Variants in COL12A1 observed in about 807,000 individuals in gnomAD.
COL12A1 encodes collagen alpha-1(XII) chain.
COL12A1 carries 114 observed loss-of-function variants against 349.7 expected under a neutral mutation model. The ratio of observed to expected loss-of-function variants is 0.33; its 90% confidence interval spans 0.28 to 0.38. COL12A1 has a LOEUF of 0.38. COL12A1 is among the 10% of genes least tolerant of loss of function. COL12A1 has a pLI of 1.00. For missense variants in COL12A1, 3,284 were observed against 3,756.9 expected (o/e 0.87, Z 3.29); for synonymous variants, 1,369 against 1,329.0 (o/e 1.03, Z -0.66).
intron 55 of COL12A1, among the ~76,000 whole-genome samples, chr6:75,103,250 G>A (rs1768387244): frequency 6.6e-6 from 1 of 152,126 alleles, no homozygotes; most frequent in South Asian, 2.1e-4. Flanking sequence ...ATTATATTAT[G>A]ACCAAAAACT....
chr6:75,148,558 G>A, intron 21 of COL12A1, 61 bp from the exon 22 acceptor site: 1 of 1,423,818 alleles, frequency 7.0e-7, no homozygotes, highest in Non-Finnish European at 9.7e-7. Flanking sequence ...GACAATATTT[G>A]AAATGACATT....
chr6:75,159,026 GA>G (rs767960264), intron 14 of COL12A1, among the ~76,000 whole-genome samples: 1 of 151,792 alleles, frequency 6.6e-6, no homozygotes, highest in Non-Finnish European at 1.5e-5. Flanking sequence ...GAAGTGTAGT[GA>G]ACCCCAAACA....
At chr6:75,100,991 C>A (rs1768278672) in intron 58 of COL12A1, among the ~76,000 whole-genome samples, 1 of 152,142 alleles carries the variant, frequency 6.6e-6, no homozygotes. Flanking sequence ...ATGAACAGAA[C>A]ATAGAGGTCA....
intron 2 of COL12A1, among the ~76,000 whole-genome samples, chr6:75,199,591 T>C (rs1289770163): frequency 1.3e-5 from 2 of 152,190 alleles, no homozygotes; most frequent in African/African-American, 4.8e-5. Flanking sequence ...TACTGACCAT[T>C]AATCTTTATA....
chr6:75,192,290 G>C lies in COL12A1; in HGVS notation c.256C>G (p.Pro86Ala). 1 of 1,611,318 alleles carries C rather than the reference G, an allele frequency of 6.2e-7. No homozygotes were observed. Among genetic ancestry groups the C allele is most frequent in the South Asian group, 1.1e-5 (1 of 90,922 alleles). Residue 86 changes from proline (P) to alanine (A), a missense_variant, in exon 4 of 66, where the codon CCT becomes GCT. Physicochemically the swap from Pro to Ala is conservative, Grantham distance 27. Coordinates refer to ENST00000322507, the MANE Select transcript of COL12A1 (RefSeq NM_004370.6). ...TTETLLSELV[P>A]ETEYVVTITS... The stretch of plus-strand genomic sequence containing the variant: ...ATTGTCACCACATACTCTGTTTCAG[G>C]TACAAGTTCTGACAATAAAGTTTCA...
intron 60 of COL12A1, among the ~76,000 whole-genome samples, chr6:75,092,411 T>C (rs1333287907): frequency 6.6e-6 from 1 of 151,974 alleles, no homozygotes; most frequent in Non-Finnish European, 1.5e-5. Context: ...CTCAATCTGA[T>C]CCTACATCTA....
chr6:75,097,926 T>A (rs1489347023), intron 58 of COL12A1, among the ~76,000 whole-genome samples: 1 of 152,160 alleles, frequency 6.6e-6, no homozygotes, highest in African/African-American at 2.4e-5. Context: ...TTTCTCCCTA[T>A]TGCTTTTACC....
chr6:75,087,813 A>T, intron 64 of COL12A1, 66 bp from the exon 65 acceptor site: 2 of 1,521,050 alleles, frequency 1.3e-6, no homozygotes, highest in South Asian at 2.4e-5. Context: ...GTAGCCACCA[A>T]TACTTTAAGT....
intron 2 of COL12A1, among the ~76,000 whole-genome samples, chr6:75,199,771 T>G (rs898503149): frequency 2.0e-5 from 3 of 152,080 alleles, no homozygotes; most frequent in African/African-American, 7.2e-5. Context: ...AGTGAAAAAA[T>G]CATTTCCACT....
At chr6:75,101,734 T>C (rs1223963517) in intron 57 of COL12A1, 81 bp from the exon 58 acceptor site, 1 of 1,507,916 alleles carries the variant, frequency 6.6e-7, no homozygotes, top group Non-Finnish European at 9.0e-7. Flanking sequence ...TTCCAAATTT[T>C]TTTTTTAATT....
chr6:75,183,032 C>T lies in COL12A1; in HGVS notation c.1891+18G>A, dbSNP rs766169683. ...TTTGTTCATGAAGAAATAACTTTTA[C>T]TCTCAAAGTCTACTAACCTTTCTTC... is the stretch of plus-strand genomic sequence containing the variant. On this transcript the variant is annotated intron_variant, in intron 10 of 65. Coordinates refer to ENST00000322507, the MANE Select transcript of COL12A1 (RefSeq NM_004370.6). 1.3e-6 allele frequency: 2 copies of T among 1,559,792 alleles called. No individual in the cohort carries two copies. The highest frequency in any genetic ancestry group is 1.7e-6 in the Non-Finnish European group (2 of 1,157,160).
chr6:75,148,174 C>T (rs1258143271), intron 22 of COL12A1, among the ~76,000 whole-genome samples, 184 bp downstream of exon 22: 1 of 152,118 alleles, frequency 6.6e-6, no homozygotes. Flanking sequence ...AGCTCTTTCC[C>T]TTTAATTAAA....
At chr6:75,148,845 T>G (rs569850567) in intron 21 of COL12A1, among the ~76,000 whole-genome samples, 7 of 152,302 alleles carry the variant, frequency 4.6e-5, no homozygotes, top group African/African-American at 1.7e-4. Context: ...CATCTTGAAT[T>G]GTAGCTCCCA....
chr6:75,180,206 G>A (rs1393651965), intron 11 of COL12A1, among the ~76,000 whole-genome samples: 7 of 152,260 alleles, frequency 4.6e-5, no homozygotes, highest in East Asian at 1.9e-4. Flanking sequence ...CACACGCTAC[G>A]ACATGGATCA....
chr6:75,122,729 A>T (rs1765807954), intron 43 of COL12A1, among the ~76,000 whole-genome samples: 1 of 152,222 alleles, frequency 6.6e-6, no homozygotes, highest in African/African-American at 2.4e-5. Context: ...AATGCTGGAA[A>T]CAGCATATGA....
intron 63 of COL12A1, 143 bp from the exon 64 acceptor site, chr6:75,089,317 A>C: frequency 1.6e-6 from 1 of 642,020 alleles, no homozygotes; most frequent in East Asian, 3.1e-5. Flanking sequence ...TTCACTCTTT[A>C]AGCCAAGTTC....
Position 75,183,080 on chromosome 6 carries a change from C to T in COL12A1, c.1861G>A (p.Glu621Lys). The change falls in exon 10 of 66, where the codon GAG (glutamate) becomes AAG (lysine). Residue 621 changes from glutamate (E) to lysine (K), a missense_variant. Physicochemically the swap from Glu to Lys is moderately conservative, Grantham distance 56 (BLOSUM62 1). Transcript: ENST00000322507. Reference sequence around the variant, plus strand: ...TTCTTTATAGCTGCCAATTCTTGCTCAATTCTAAGGCAGATAGACTGTGTG... The same window carrying T: ...TTCTTTATAGCTGCCAATTCTTGCTTAATTCTAAGGCAGATAGACTGTGTG... ...ELTQSICLRI[E>K]QELAAIKKKA... 6.2e-7 allele frequency: 1 copy of T among 1,609,780 alleles called. No individual in the cohort carries two copies. The highest frequency in any genetic ancestry group is 8.5e-7 in the Non-Finnish European group (1 of 1,178,586).
intron 44 of COL12A1, among the ~76,000 whole-genome samples, chr6:75,120,858 T>G (rs1038689416): frequency 2.0e-5 from 3 of 152,204 alleles, no homozygotes; most frequent in Non-Finnish European, 4.4e-5. Flanking sequence ...TGGACCTTCT[T>G]CTGGTCAAGG....
intron 56 of COL12A1, among the ~76,000 whole-genome samples, chr6:75,102,315 C>A (rs1768340985): frequency 6.6e-6 from 1 of 152,078 alleles, no homozygotes; most frequent in African/African-American, 2.4e-5. Flanking sequence ...ATTATACCTA[C>A]CTTAAAAGAA....
Sources: allele counts gnomAD v4.1 joint callset (sites outside exome capture counted in the v4.1 genomes callset), GRCh38; gene constraint gnomAD v4.1.1; transcripts MANE v1.5; gene names NCBI Gene and HGNC (gene_info 2026-07-23, HGNC 2026-07-21).